The following ZBTB8A variants were observed in gnomAD, a reference collection of about 807,000 sequenced individuals.
The protein encoded by ZBTB8A is zinc finger and BTB domain containing 8A.
In ZBTB8A, 19 loss-of-function variants were observed where a neutral mutation model predicts 37.8. The observed-to-expected ratio is 0.50, with a 90% CI of 0.35 to 0.74. ZBTB8A has a LOEUF of 0.74. Ranked by LOEUF, ZBTB8A falls within the 30% of genes least tolerant of loss-of-function variation. The probability of loss-of-function intolerance (pLI) is 0.01; values close to 1 mark genes in which losing one functional copy is unlikely to be tolerated. For missense variants in ZBTB8A, 394 were observed against 537.8 expected, an observed-to-expected ratio of 0.73 and a Z score of 2.65; for synonymous variants, 181 against 185.2, an observed-to-expected ratio of 0.98 and a Z score of 0.19.
intron 2 of ZBTB8A, among the ~76,000 whole-genome samples, chr1:32,586,267 C>T (rs1292076837): frequency 2.0e-5 from 3 of 152,084 alleles, no homozygotes; most frequent in Admixed American, 6.6e-5. Context: ...TGTGGTGAAC[C>T]GAGATCTCGC....
Position 32,603,380 on chromosome 1 carries a change from A to T in ZBTB8A, c.*2961A>T, listed in dbSNP as rs1448639688. 2 of 151,946 alleles carry T rather than the reference A, an allele frequency of 1.3e-5. No homozygotes were observed. The highest frequency in any genetic ancestry group is 2.9e-5 in the Non-Finnish European group (2 of 67,976). 9.4% of individuals were successfully genotyped at this position (151,946 alleles called of 1,614,324 possible). A position where few individuals can be genotyped will look rare whatever the true frequency, so the allele number is the denominator to read the frequency against. ...CCTGACCTCGTGATCTGCCCGCCTC[A>T]GCCTCCCAAAGTGCTGGGATTACAG... On this transcript the variant is annotated 3_prime_UTR_variant, in exon 5 of 5. Transcript: ENST00000373510.
chr1:32,541,958 C>T (rs1297943048), intron 1 of ZBTB8A, among the ~76,000 whole-genome samples: 1 of 152,092 alleles, frequency 6.6e-6, no homozygotes, highest in Non-Finnish European at 1.5e-5. Flanking sequence ...GCTTGACTTA[C>T]GATTTTTTGA....
chr1:32,544,612 G>T, intron 1 of ZBTB8A, among the ~76,000 whole-genome samples: 1 of 152,238 alleles, frequency 6.6e-6, no homozygotes. Flanking sequence ...CAGGAGAACT[G>T]CTTTAACCCA....
chr1:32,552,037 GTTGTC>G (rs1394856914), intron 1 of ZBTB8A, among the ~76,000 whole-genome samples: 1 of 152,110 alleles, frequency 6.6e-6, no homozygotes, highest in East Asian at 1.9e-4. Context: ...TTTGAATAGT[GTTGTC>G]TTAAGTTTAT....
chr1:32,546,129 G>GT (rs1482017921), intron 1 of ZBTB8A, among the ~76,000 whole-genome samples: 2 of 152,112 alleles, frequency 1.3e-5, no homozygotes, highest in Non-Finnish European at 2.9e-5. Flanking sequence ...GCCAATTTGA[G>GT]TATCTGCCCT....
At chr1:32,565,429 G>T (rs1013709783) in intron 2 of ZBTB8A, among the ~76,000 whole-genome samples, 1 of 152,094 alleles carries the variant, frequency 6.6e-6, no homozygotes, top group African/African-American at 2.4e-5. Flanking sequence ...CCAGGCTGGA[G>T]GATTGCTTGA....
intron 1 of ZBTB8A, among the ~76,000 whole-genome samples, chr1:32,550,453 CA>C (rs894970802): frequency 1.8e-4 from 27 of 151,730 alleles, no homozygotes; most frequent in African/African-American, 5.6e-4. Context: ...CCCATCTCTA[CA>C]AAAAATACAA....
intron 1 of ZBTB8A, among the ~76,000 whole-genome samples, chr1:32,544,348 A>G (rs1644084357): frequency 6.6e-6 from 1 of 152,266 alleles, no homozygotes; most frequent in Non-Finnish European, 1.5e-5. Context: ...CCTGTATAGC[A>G]TAATACTATA....
chr1:32,569,605 G>A (rs549106305), intron 2 of ZBTB8A, among the ~76,000 whole-genome samples: 1 of 151,722 alleles, frequency 6.6e-6, no homozygotes, highest in East Asian at 1.9e-4. Flanking sequence ...TGTTAGCCAG[G>A]ATGGTCTCTA....
chr1:32,590,897 T>C (rs1644483200), intron 2 of ZBTB8A, among the ~76,000 whole-genome samples: 1 of 151,942 alleles, frequency 6.6e-6, no homozygotes, highest in African/African-American at 2.4e-5. Context: ...TTGAATTTAA[T>C]TTAACTTTTT....
intron 2 of ZBTB8A, among the ~76,000 whole-genome samples, chr1:32,587,016 G>A (rs1031477556): frequency 5.9e-5 from 9 of 151,742 alleles, no homozygotes; most frequent in East Asian, 1.9e-4. Flanking sequence ...AGGCCGAGGC[G>A]GGCGGTTGAG....
At chr1:32,568,543 C>T (rs934655797) in intron 2 of ZBTB8A, among the ~76,000 whole-genome samples, 3 of 152,122 alleles carry the variant, frequency 2.0e-5, no homozygotes, top group African/African-American at 4.8e-5. Context: ...CCCGCCACTA[C>T]GCCCGGCTAA....
At chr1:32,586,314 C>T (rs1288315068) in intron 2 of ZBTB8A, among the ~76,000 whole-genome samples, 4 of 151,848 alleles carry the variant, frequency 2.6e-5, no homozygotes, top group South Asian at 2.1e-4. Context: ...AGCGAGACTC[C>T]GTCTCAAAAA....
At chr1:32,556,988 T>C (rs1644208132) in intron 2 of ZBTB8A, among the ~76,000 whole-genome samples, 1 of 152,048 alleles carries the variant, frequency 6.6e-6, no homozygotes, top group Admixed American at 6.6e-5. Context: ...TTTTGAATCA[T>C]ACGCATTCAA....
intron 1 of ZBTB8A, among the ~76,000 whole-genome samples, chr1:32,544,194 A>G (rs1644082570): frequency 6.6e-6 from 1 of 152,338 alleles, no homozygotes; most frequent in African/African-American, 2.4e-5. Flanking sequence ...TCACTTAATG[A>G]TGGGGATATG....
intron 4 of ZBTB8A, among the ~76,000 whole-genome samples, chr1:32,596,537 C>T (rs1340483702): frequency 1.3e-5 from 2 of 152,002 alleles, no homozygotes; most frequent in Non-Finnish European, 2.9e-5. Context: ...GCTGAGATCG[C>T]GCCACTGCAC....
chr1:32,587,038 G>A (rs1485313801), intron 2 of ZBTB8A, among the ~76,000 whole-genome samples: 5 of 151,764 alleles, frequency 3.3e-5, no homozygotes, highest in Admixed American at 2.0e-4. Flanking sequence ...TCAGGAGTTC[G>A]AGACCAGCCT....
intron 2 of ZBTB8A, among the ~76,000 whole-genome samples, chr1:32,578,423 G>C (rs1273147831): frequency 1.3e-5 from 2 of 151,896 alleles, no homozygotes; most frequent in Non-Finnish European, 2.9e-5. Context: ...GTGTTAGCTA[G>C]TCTGGTCTCC....
chr1:32,560,766 T>C (rs12041245), intron 2 of ZBTB8A, among the ~76,000 whole-genome samples: 1 of 151,602 alleles, frequency 6.6e-6, no homozygotes. Flanking sequence ...AAGATTACAG[T>C]AGGTACATGC....
Sources: gnomAD v4.1 joint callset for allele counts (sites outside exome capture counted in the v4.1 genomes callset) on GRCh38, gnomAD v4.1.1 for gene constraint, MANE v1.5 for transcripts, NCBI Gene and HGNC (gene_info 2026-07-23, HGNC 2026-07-21) for gene names.